AKNA: variants seen among roughly 807,000 people sequenced by gnomAD.
AKNA encodes the protein microtubule organization protein AKNA.
A neutral mutation model predicts 138.8 loss-of-function variants in AKNA; 67 were observed. That is an observed-to-expected ratio of 0.48 (90% CI 0.40 to 0.59). AKNA has a LOEUF of 0.59. Ranked by LOEUF, AKNA falls within the 20% of genes least tolerant of loss-of-function variation. The pLI, the probability that AKNA is intolerant of heterozygous loss-of-function variation, is 0.00. For missense variants in AKNA, 1,813 were observed against 1,880.4 expected (o/e 0.96, Z 0.66); for synonymous variants, 737 against 754.4 (o/e 0.98, Z 0.38).
intron 2 of AKNA, among the ~76,000 whole-genome samples, chr9:114,380,507 CA>C (rs1438213513): frequency 2.0e-5 from 3 of 152,172 alleles, no homozygotes; most frequent in African/African-American, 7.2e-5. Flanking sequence ...CAGTGGTTAT[CA>C]GGGGATGGAG....
intron 19 of AKNA, 73 bp downstream of exon 19, chr9:114,343,635 G>A (rs927576659): frequency 6.1e-5 from 91 of 1,483,064 alleles, no homozygotes; most frequent in Middle Eastern, 1.7e-4. Context: ...ATCTTGTCAA[G>A]TACACACTCC....
In AKNA at chr9:114,383,909, G is replaced by A. The variant is rs117594147; in HGVS notation, c.-113-2463C>T. On this transcript the variant is annotated intron_variant, in intron 1 of 21. Transcript: ENST00000374088. Reference sequence around the variant, plus strand: ...TTCGGGGCTTCTATCCTCTGTCCCCGCCCAGTCTTCCTCTCTACCCCCAAA... The same window carrying A: ...TTCGGGGCTTCTATCCTCTGTCCCCACCCAGTCTTCCTCTCTACCCCCAAA... 1.4e-3 allele frequency among the ~76,000 whole-genome samples: 217 copies of A among 152,166 alleles called. 3 individuals carry two copies. In the South Asian group the frequency reaches 0.015, roughly 10 times the overall value.
At position 114,377,152 on chromosome 9, in the gene AKNA, A is replaced by G. The variant is rs1171363172; in HGVS notation, c.655T>C (p.Trp219Arg). 9.9e-6 allele frequency: 16 copies of G among 1,614,020 alleles called. No homozygotes were observed. Among genetic ancestry groups the G allele is most frequent in the Non-Finnish European group, 1.3e-5 (15 of 1,180,012 alleles). Residue 219 changes from tryptophan (W) to arginine (R), a missense_variant, in exon 3 of 22, where the codon TGG becomes CGG. Transcript: ENST00000374088. ...TGGGGGCCATCGGTCTCTCCTTCCC[A>G]GGTAGAATCAAGGCTGTCACTAGGG... ...DHPSDSLDST[W>R]EGETDGPQPT...
At chr9:114,357,894 G>C (rs1831616463) in intron 12 of AKNA, 27 bp downstream of exon 12, 2 of 1,592,624 alleles carry the variant, frequency 1.3e-6, no homozygotes, top group South Asian at 2.3e-5. Flanking sequence ...TGAGGTTCTG[G>C]GCCCATTCCC....
intron 1 of AKNA, among the ~76,000 whole-genome samples, chr9:114,387,183 C>T (rs1454270522): frequency 1.3e-5 from 2 of 152,220 alleles, no homozygotes; most frequent in African/African-American, 2.4e-5. Flanking sequence ...CATACCCCCA[C>T]CCACCTGCTG....
intron 11 of AKNA, 167 bp downstream of exon 11, chr9:114,359,427 C>T: frequency 7.4e-7 from 1 of 1,357,318 alleles, no homozygotes; most frequent in South Asian, 1.4e-5. Flanking sequence ...CCACACTACC[C>T]AAAATCATTT....
chr9:114,358,247 C>G, intron 11 of AKNA, 80 bp from the exon 12 acceptor site: 1 of 1,574,954 alleles, frequency 6.3e-7, no homozygotes, highest in South Asian at 1.1e-5. Context: ...GGGAGCCAAG[C>G]AGCCCAGGGC....
At chr9:114,338,530 ACCAGTTGGTG>A (rs1830137597) in intron 21 of AKNA, among the ~76,000 whole-genome samples, 1 of 152,196 alleles carries the variant, frequency 6.6e-6, no homozygotes, top group Admixed American at 6.5e-5. Flanking sequence ...GTACCCATGT[ACCAGTTGGTG>A]CCTTTATCTT....
chr9:114,369,581 A>AC (rs1832613174), intron 4 of AKNA, among the ~76,000 whole-genome samples: 1 of 152,092 alleles, frequency 6.6e-6, no homozygotes, highest in South Asian at 2.1e-4. Flanking sequence ...TCTGCGCACA[A>AC]AATAAGTGCT....
chr9:114,381,427 T>A lies in AKNA; in HGVS notation c.-94A>T. 1.4e-6 allele frequency: 2 copies of A among 1,439,778 alleles called. No individual in the cohort carries two copies. Among genetic ancestry groups the A allele is most frequent in the East Asian group, 2.5e-5 (1 of 39,694 alleles). 89.2% of individuals were successfully genotyped at this position (1,439,778 alleles called of 1,614,324 possible). On this transcript the variant is annotated 5_prime_UTR_variant, in exon 2 of 22. An upstream start codon of the reference 5' UTR is lost. Coordinates refer to ENST00000374088, the MANE Select transcript of AKNA (RefSeq NM_001317950.2). ...GAGTCACCGCTGGTTCCTGTCAGCA[T>A]CGGCCATCCTGCCTGTGCCCTGTCA...
intron 21 of AKNA, among the ~76,000 whole-genome samples, 189 bp downstream of exon 21, chr9:114,341,344 G>T (rs1344538090): frequency 6.6e-6 from 1 of 152,192 alleles, no homozygotes; most frequent in Non-Finnish European, 1.5e-5. Context: ...TGGGTTTGTT[G>T]AGTGCCTATA....
chr9:114,394,094 A>T (rs1834453917), intron 1 of AKNA, among the ~76,000 whole-genome samples: 1 of 152,154 alleles, frequency 6.6e-6, no homozygotes, highest in African/African-American at 2.4e-5. Context: ...AACTGCCTCA[A>T]CCTGGGAGGC....
chr9:114,393,893 C>T (rs183438455), intron 1 of AKNA, among the ~76,000 whole-genome samples: 14 of 152,270 alleles, frequency 9.2e-5, no homozygotes, highest in Non-Finnish European at 1.9e-4. Flanking sequence ...TTACAACAGG[C>T]CATGCGCCGT....
In AKNA at chr9:114,382,820, T is replaced by A. The variant is rs546201098; in HGVS notation, c.-113-1374A>T. 5.3e-5 allele frequency among the ~76,000 whole-genome samples: 8 copies of A among 152,162 alleles called. No individual in the cohort carries two copies. In the East Asian group the frequency reaches 1.5e-3, roughly 29 times the overall value. On this transcript the variant is annotated intron_variant, in intron 1 of 21. Coordinates refer to ENST00000374088, the MANE Select transcript of AKNA (RefSeq NM_001317950.2). The stretch of plus-strand genomic sequence containing the variant: ...AAGCAGGCTGGTATTTGCCAGGGGC[T>A]GGGGGAGAGGAGAGCGGGCACTAAA...
chr9:114,356,169 G>T (rs761811190), intron 13 of AKNA, 33 bp from the exon 14 acceptor site: 10 of 1,589,604 alleles, frequency 6.3e-6, no homozygotes, highest in Non-Finnish European at 7.7e-6. Flanking sequence ...ACACACAGGG[G>T]TCACACAGAG....
rs766186024 is a variant in AKNA at position 114,376,892 on chromosome 9, C to T, written c.915G>A (p.Lys305=). The T allele has an allele frequency of 1.2e-5, 20 of 1,614,086 alleles. No individual in the cohort carries two copies. The highest frequency in any genetic ancestry group is 1.6e-4 in the Middle Eastern group (1 of 6,084). The change falls in exon 3 of 22, where the codon AAG becomes AAA. Residue 305 remains lysine, a synonymous_variant. Coordinates refer to ENST00000374088, the MANE Select transcript of AKNA (RefSeq NM_001317950.2). ...AGCCAATGAATCGGGAAGGGAGTGG[C>T]TTAGGTGACGTCTTTGTCTGCTTCC... ...HIWKQTKTSP[K]PLPSRFIGSI... is the part of the protein sequence containing the mutation.
chr9:114,389,728 C>T (rs900240414), upstream of AKNA, among the ~76,000 whole-genome samples: 2 of 152,198 alleles, frequency 1.3e-5, no homozygotes, highest in Non-Finnish European at 2.9e-5. Context: ...ATCTTAATAT[C>T]TTTCCTGAAG....
chr9:114,356,310 G>T (rs1334358926), intron 13 of AKNA, among the ~76,000 whole-genome samples, 174 bp from the exon 14 acceptor site: 1 of 152,198 alleles, frequency 6.6e-6, no homozygotes, highest in African/African-American at 2.4e-5. Flanking sequence ...CCAATTCTTT[G>T]TAAACTGTTC....
At chr9:114,397,495 A>T (rs1834568514), upstream of AKNA, among the ~76,000 whole-genome samples, 1 of 152,172 alleles carries the variant, frequency 6.6e-6, no homozygotes, top group Non-Finnish European at 1.5e-5. Context: ...AACATAGCCC[A>T]GGTTTGTTAT....
Sources: allele counts gnomAD v4.1 joint callset (sites outside exome capture counted in the v4.1 genomes callset), GRCh38; gene constraint gnomAD v4.1.1; transcripts MANE v1.5; gene names NCBI Gene and HGNC (gene_info 2026-07-23, HGNC 2026-07-21).